The following SLIT1 variants were observed in gnomAD, a reference collection of about 807,000 sequenced individuals.
The protein encoded by SLIT1 is slit guidance ligand 1, also known as slit homolog 1 protein.
SLIT1 carries 66 observed loss-of-function variants against 186.1 expected under a neutral mutation model. The observed-to-expected ratio is 0.35, with a 90% CI of 0.29 to 0.44. The LOEUF (loss-of-function observed/expected upper bound fraction) is 0.44. SLIT1 is among the 20% of genes least tolerant of loss of function. The pLI is 1.00. For synonymous variants in SLIT1, 761 were observed against 833.8 expected (o/e 0.91, Z 1.50); for missense variants, 1,638 against 2,037.4 (o/e 0.80, Z 3.77).
chr10:97,057,344 T>G, intron 11 of SLIT1, 63 bp from the exon 12 acceptor site: 2 of 1,387,830 alleles, frequency 1.4e-6, no homozygotes, highest in South Asian at 1.2e-5. Flanking sequence ...AGCACAACTC[T>G]GCAGACGGCC....
intron 4 of SLIT1, among the ~76,000 whole-genome samples, chr10:97,087,510 C>T (rs1849175569): frequency 6.6e-6 from 1 of 152,234 alleles, no homozygotes; most frequent in Non-Finnish European, 1.5e-5. Flanking sequence ...ATGCATCTGC[C>T]CTCTGCCAGC....
At chr10:97,179,966 G>C (rs753576240) in intron 1 of SLIT1, among the ~76,000 whole-genome samples, 3 of 152,200 alleles carry the variant, frequency 2.0e-5, no homozygotes, top group Admixed American at 1.3e-4. Context: ...AACTGGAGGC[G>C]GCAACTCCGC....
Position 97,060,078 on chromosome 10 carries a change from G to A in SLIT1, c.1013+9C>T, listed in dbSNP as rs758643349. 3 of 1,607,614 alleles carry A rather than the reference G, an allele frequency of 1.9e-6. No individual in the cohort carries two copies. Among genetic ancestry groups the A allele is most frequent in the Non-Finnish European group, 1.7e-6 (2 of 1,174,022 alleles). ...ACCAGCTCCCCAGGAAGCAGTGGGA[G>A]GCACTCACATCCTCCGTAGCTTTCT... On this transcript the variant is annotated intron_variant, in intron 10 of 36. Transcript: ENST00000266058.
chr10:97,074,790 G>A (rs1450457136), intron 4 of SLIT1, among the ~76,000 whole-genome samples: 2 of 152,246 alleles, frequency 1.3e-5, no homozygotes, highest in African/African-American at 2.4e-5. Flanking sequence ...CAGGCACCCT[G>A]CTCTGGCTGC....
chr10:97,008,548 T>C lies in SLIT1; in HGVS notation c.3342-1828A>G, dbSNP rs192311503. Among the ~76,000 whole-genome samples the C allele has an allele frequency of 2.5e-3, 379 of 152,042 alleles. 1 individual carries two copies. The highest frequency in any genetic ancestry group is 4.1e-3 in the Non-Finnish European group (281 of 67,952). On this transcript the variant is annotated intron_variant, in intron 31 of 36. Transcript: ENST00000266058. Reference sequence around the variant, plus strand: ...AGTTTCTACTAAAAATACAAAAAATTAGCCAGGCGTGGTGGCACATGCCTA... The same window carrying C: ...AGTTTCTACTAAAAATACAAAAAATCAGCCAGGCGTGGTGGCACATGCCTA...
chr10:97,044,900 G>T (rs1848721936), intron 18 of SLIT1, among the ~76,000 whole-genome samples: 1 of 152,216 alleles, frequency 6.6e-6, no homozygotes, highest in Non-Finnish European at 1.5e-5. Context: ...CCAGTGTGAT[G>T]GGATCAGGAT....
chr10:97,121,583 T>C (rs1192421513), intron 4 of SLIT1, among the ~76,000 whole-genome samples: 2 of 152,170 alleles, frequency 1.3e-5, no homozygotes, highest in East Asian at 3.8e-4. Flanking sequence ...AAATAATGCA[T>C]CATGTCAAGT....
chr10:97,039,974 C>G lies in SLIT1; in HGVS notation c.2297+14G>C, dbSNP rs776621414. Reference sequence around the variant, plus strand: ...TGGACCCACGTGAAGGGGGCAAGGCCTTGAGCTACTCACAGTTCTGTGACA... The same window carrying G: ...TGGACCCACGTGAAGGGGGCAAGGCGTTGAGCTACTCACAGTTCTGTGACA... On this transcript the variant is annotated intron_variant, in intron 21 of 36. Coordinates refer to ENST00000266058, the MANE Select transcript of SLIT1 (RefSeq NM_003061.3). The G allele has an allele frequency of 4.3e-6, 7 of 1,613,394 alleles. No homozygotes were observed. The highest frequency in any genetic ancestry group is 5.1e-6 in the Non-Finnish European group (6 of 1,179,674).
At chr10:97,179,536 G>A (rs904780777) in intron 1 of SLIT1, among the ~76,000 whole-genome samples, 2 of 152,190 alleles carry the variant, frequency 1.3e-5, no homozygotes, top group African/African-American at 4.8e-5. Context: ...AAGATCTCTC[G>A]GTAGGTGATG....
chr10:97,105,959 C>T (rs2134675211), intron 4 of SLIT1, among the ~76,000 whole-genome samples: 1 of 152,372 alleles, frequency 6.6e-6, no homozygotes, highest in East Asian at 1.9e-4. Context: ...GACAGAACCT[C>T]TAGGCAAGAA....
intron 16 of SLIT1, 130 bp from the exon 17 acceptor site, chr10:97,047,195 C>A: frequency 1.5e-6 from 1 of 656,316 alleles, no homozygotes; most frequent in South Asian, 1.9e-5. Context: ...GCAAATTGAT[C>A]CTATTTCAAA....
chr10:97,012,075 TACACACACACACACAC>T (rs35171328), intron 30 of SLIT1, among the ~76,000 whole-genome samples: 1,932 of 130,908 alleles, frequency 0.015, 47 homozygotes, highest in African/African-American at 0.037. Context: ...TCAAGCCCAG[TACACACACACACACAC>T]ACACACACAC....
intron 4 of SLIT1, among the ~76,000 whole-genome samples, chr10:97,124,355 G>A (rs1377261440): frequency 6.6e-6 from 1 of 152,216 alleles, no homozygotes; most frequent in African/African-American, 2.4e-5. Context: ...GGGCCCCAGG[G>A]AGGGGGGTCT....
chr10:97,123,960 G>C (rs1366477771), intron 4 of SLIT1, among the ~76,000 whole-genome samples: 2 of 152,016 alleles, frequency 1.3e-5, no homozygotes, highest in Admixed American at 6.6e-5. Flanking sequence ...GTGTTCCAAG[G>C]AGTCCTCAAA....
chr10:97,163,124 C>G (rs1032078992), intron 3 of SLIT1, among the ~76,000 whole-genome samples: 1 of 152,172 alleles, frequency 6.6e-6, no homozygotes. Context: ...TTTGCCATCC[C>G]GTATCTTCAG....
intron 4 of SLIT1, among the ~76,000 whole-genome samples, chr10:97,136,891 A>G (rs1849708526): frequency 6.6e-6 from 1 of 152,230 alleles, no homozygotes; most frequent in Non-Finnish European, 1.5e-5. Flanking sequence ...ACAGGAGATC[A>G]GAACAGATTG....
intron 4 of SLIT1, among the ~76,000 whole-genome samples, chr10:97,076,035 C>T (rs1849042469): frequency 6.6e-6 from 1 of 152,150 alleles, no homozygotes. Context: ...CTCACCAAGG[C>T]CCGCCTTCCT....
chr10:97,049,710 C>G (rs1432117445), intron 13 of SLIT1, among the ~76,000 whole-genome samples: 1 of 152,216 alleles, frequency 6.6e-6, no homozygotes, highest in African/African-American at 2.4e-5. Context: ...CATCCCCACC[C>G]CAGGCCACAG....
At position 97,001,170 on chromosome 10, in the gene SLIT1, G is replaced by T. The variant is rs528749604; in HGVS notation, c.4547C>A (p.Thr1516Asn). The T allele has an allele frequency of 2.9e-5, 47 of 1,613,260 alleles. No individual in the cohort carries two copies. In the African/African-American group the frequency reaches 4.5e-4, roughly 16 times the overall value. The change falls in exon 37 of 37, where the codon ACC becomes AAC. Residue 1516 changes from threonine to asparagine, a missense_variant. This residue lies in a region of SLIT1 where 220 missense variants were observed against 211.3 expected (regional missense o/e 1.04). Coordinates refer to ENST00000266058, the MANE Select transcript of SLIT1 (RefSeq NM_003061.3). Reference sequence around the variant, plus strand: ...CTTTTCCACCTCCTCGGCAAAAGAGGTCCCATCGCTGCACTCAAAGGTGAA... The same window carrying T: ...CTTTTCCACCTCCTCGGCAAAAGAGTTCCCATCGCTGCACTCAAAGGTGAA... ...RKFTFECSDG[T>N]SFAEEVEKPT...
Sources: allele counts gnomAD v4.1 joint callset (sites outside exome capture counted in the v4.1 genomes callset), GRCh38; gene constraint gnomAD v4.1.1; regional missense constraint gnomAD v4.1.1; transcripts MANE v1.5; gene names NCBI Gene and HGNC (gene_info 2026-07-23, HGNC 2026-07-21).